KMT2D: variants seen among roughly 807,000 people sequenced by gnomAD.
KMT2D encodes histone-lysine N-methyltransferase 2D.
In KMT2D, 55 loss-of-function variants were observed where a neutral mutation model predicts 512.7. The ratio of observed to expected loss-of-function variants is 0.11; its 90% CI spans 0.09 to 0.13. The LOEUF (loss-of-function observed/expected upper bound fraction) is 0.13, where lower values mean the gene tolerates loss of function less well. Among genes scored for constraint, KMT2D ranks in the 10% least tolerant of loss-of-function variants. KMT2D has a pLI of 1.00. For missense variants in KMT2D, 6,061 were observed against 7,127.9 expected (o/e 0.85, Z 5.39); for synonymous variants, 2,995 against 2,904.0 (o/e 1.03, Z -1.01).
At chr12:49,045,806 T>C in intron 19 of KMT2D, 114 bp downstream of exon 19, 1 of 950,460 alleles carries the variant, frequency 1.1e-6, no homozygotes, top group Non-Finnish European at 1.7e-6. Flanking sequence ...TTAACTTCTC[T>C]GGGTCTGAGT....
At chr12:49,034,020 C>G (rs757794661) in intron 39 of KMT2D, 47 bp downstream of exon 39, 29 of 1,579,480 alleles carry the variant, frequency 1.8e-5, no homozygotes, top group Non-Finnish European at 2.4e-5. Context: ...CATGCCAACC[C>G]TCTTCCCTGC....
intron 1 of KMT2D, among the ~76,000 whole-genome samples, chr12:49,059,313 T>C (rs1165922349): frequency 6.6e-6 from 1 of 152,050 alleles, no homozygotes; most frequent in Admixed American, 6.5e-5. Context: ...GCCCGGGTCC[T>C]AGTTTAGTCG....
rs1430038846 is a variant in KMT2D, at chr12:49,046,037, C to T, written c.4693+28G>A. ...AAGCAAGGTACCCCTGCTCTGACTC[C>T]TCCCCCTACCCAGCAGCTGGTACTC... is the stretch of plus-strand genomic sequence containing the variant. On this transcript the variant is annotated intron_variant, in intron 18 of 54. Coordinates refer to ENST00000301067, the MANE Select transcript of KMT2D (RefSeq NM_003482.4). This position sits in a 1 kb window ranked among gnomAD's most constrained non-coding sequence, Gnocchi z 4.2. 1 of 1,611,502 alleles carries T rather than the reference C, an allele frequency of 6.2e-7. No individual in the cohort carries two copies. The highest frequency in any genetic ancestry group is 1.1e-5 in the South Asian group (1 of 90,810).
At position 49,041,028 on chromosome 12, in the gene KMT2D, G is replaced by A. The variant is rs371402071; in HGVS notation, c.6742C>T (p.Arg2248Cys). ...GCCAAGTTATCCAGCGAGGGGCAGCGGGGTTTGAGGAATGGGTCAGGTGTG... is the reference window on the plus strand; with the variant it reads ...GCCAAGTTATCCAGCGAGGGGCAGCAGGGTTTGAGGAATGGGTCAGGTGTG... ...PSTPDPFLKP[R>C]CPSLDNLAVP... The change falls in exon 32 of 55, where the codon CGC becomes TGC. Residue 2248 changes from arginine (R) to cysteine (C), a missense_variant. Physicochemically the swap from Arg to Cys is radical, Grantham distance 180 (BLOSUM62 -3). Around this residue, in one of 16 missense-constraint regions of KMT2D, gnomAD observed 710 missense variants for 647.3 expected, o/e 1.10. Coordinates refer to ENST00000301067, the MANE Select transcript of KMT2D (RefSeq NM_003482.4). The surrounding 1 kb of genome is among the most constrained non-coding windows in gnomAD (Gnocchi z 5.4). 20 of 1,571,630 alleles carry A rather than the reference G, an allele frequency of 1.3e-5. No homozygotes were observed. Among genetic ancestry groups the A allele is most frequent in the Admixed American group, 3.6e-5 (2 of 54,982 alleles).
In KMT2D at chr12:49,046,459, A is replaced by G. The variant is rs370290095; in HGVS notation, c.4419-35T>C. The G allele has an allele frequency of 6.2e-6, 10 of 1,606,986 alleles. No homozygotes were observed. The African/African-American group carries it at 1.1e-4, about 17-fold the overall frequency. ...GCAGGAAAACAGAGCTTTAGCACCC[A>G]ACCTACCCGAAGTACCCAGAAGTCC... On this transcript the variant is annotated intron_variant, in intron 16 of 54. Coordinates refer to ENST00000301067, the MANE Select transcript of KMT2D (RefSeq NM_003482.4). This position sits in a 1 kb window ranked among gnomAD's most constrained non-coding sequence, Gnocchi z 4.2.
chr12:49,031,341 C>T lies in KMT2D; in HGVS notation c.13364G>A (p.Arg4455His), dbSNP rs372839823. ...TSNHLLLAGPRSEAGHLLLQK... is the reference protein window; with the variant it reads ...TSNHLLLAGPHSEAGHLLLQK... ...CAAGAGCAGATGCCCAGCTTCTGAG[C>T]GAGGGCCTGCCAGCAGGAGGTGGTT... The change falls in exon 40 of 55, where the codon CGC becomes CAC. Residue 4455 changes from arginine to histidine, a missense_variant. By Grantham distance (29) the Arg-to-His change is conservative. Coordinates refer to ENST00000301067, the MANE Select transcript of KMT2D (RefSeq NM_003482.4). The T allele has an allele frequency of 3.2e-5, 51 of 1,613,520 alleles. 2 individuals carry two copies. The highest frequency in any genetic ancestry group is 2.6e-4 in the South Asian group (24 of 91,088).
At chr12:49,058,315 A>C (rs1027358112) in intron 1 of KMT2D, among the ~76,000 whole-genome samples, 2 of 152,208 alleles carry the variant, frequency 1.3e-5, no homozygotes, top group Non-Finnish European at 2.9e-5. Flanking sequence ...AGTGGAGAGC[A>C]GGATTGACAG....
intron 19 of KMT2D, among the ~76,000 whole-genome samples, chr12:49,045,367 G>C (rs1031997592): frequency 2.0e-5 from 3 of 152,178 alleles, no homozygotes; most frequent in African/African-American, 7.2e-5. Flanking sequence ...GTTCTCAGCC[G>C]GGCGCGGTGC....
chr12:49,049,076 G>A, intron 13 of KMT2D, 29 bp downstream of exon 13: 8 of 1,386,816 alleles, frequency 5.8e-6, no homozygotes, highest in Non-Finnish European at 8.2e-6. Flanking sequence ...ATGGTTGGGG[G>A]ATGGGAGGAA....
Position 49,038,111 on chromosome 12 carries a change from C to T in KMT2D, c.9245G>A (p.Arg3082Gln), listed in dbSNP as rs1467406954. 5 of 1,613,822 alleles carry T rather than the reference C, an allele frequency of 3.1e-6. No homozygotes were observed. The highest frequency in any genetic ancestry group is 1.3e-5 in the African/African-American group (1 of 74,918). ...LVESANEKAE[R>Q]EALLRGVEPG... is the part of the protein sequence containing the mutation. ...CTCCACCCCCCGCAGCAGGGCCTCC[C>T]GTTCAGCCTTCTCATTAGCCGATTC... is the stretch of plus-strand genomic sequence containing the variant. Residue 3082 changes from arginine to glutamine, a missense_variant, in exon 35 of 55, where the codon CGG becomes CAG. Physicochemically the swap from Arg to Gln is conservative, Grantham distance 43. This residue lies in a region of KMT2D where 533 missense variants were observed against 539.6 expected (regional missense o/e 0.99). Transcript: ENST00000301067. This position sits in a 1 kb window ranked among gnomAD's most constrained non-coding sequence, Gnocchi z 5.7.
In KMT2D at chr12:49,027,000, C is replaced by T. The variant is rs766918626; in HGVS notation, c.14966G>A (p.Arg4989Gln). The change falls in exon 49 of 55, where the codon CGG becomes CAG. Residue 4989 changes from arginine to glutamine, a missense_variant. By Grantham distance (43) the Arg-to-Gln change is conservative. Around this residue, in one of 16 missense-constraint regions of KMT2D, gnomAD observed 1,600 missense variants for 1,754.9 expected, o/e 0.91. Transcript: ENST00000301067. This position sits in a 1 kb window ranked among gnomAD's most constrained non-coding sequence, Gnocchi z 9.6. ...LKKWKGVRWKRLRLLLTIQKG... is the reference protein window; with the variant it reads ...LKKWKGVRWKQLRLLLTIQKG... The stretch of plus-strand genomic sequence containing the variant: ...CTGGATGGTCAGCAGCAGCCGAAGC[C>T]GCTTCCAGCGCACTCCTTTCCATTT... The T allele has an allele frequency of 1.1e-5, 17 of 1,613,918 alleles. No homozygotes were observed. The highest frequency in any genetic ancestry group is 1.6e-4 in the Middle Eastern group (1 of 6,084).
chr12:49,044,180 G>C lies in KMT2D; in HGVS notation c.5188+20C>G, dbSNP rs779189724. ...GCCCCACCTTCTCCCAGGCCCCACTGGTGCCCTCACCCGTCTCACCCTCGT... is the reference window on the plus strand; with the variant it reads ...GCCCCACCTTCTCCCAGGCCCCACTCGTGCCCTCACCCGTCTCACCCTCGT... On this transcript the variant is annotated intron_variant, in intron 22 of 54. Transcript: ENST00000301067. This position sits in a 1 kb window ranked among gnomAD's most constrained non-coding sequence, Gnocchi z 6.4. The C allele has an allele frequency of 1.4e-5, 22 of 1,608,330 alleles. No individual in the cohort carries two copies. In the South Asian group the frequency reaches 2.4e-4, roughly 18 times the overall value.
chr12:49,026,897 G>A lies in KMT2D; in HGVS notation c.15069C>T (p.Asp5023=), dbSNP rs766935060. The A allele has an allele frequency of 3.1e-6, 5 of 1,613,910 alleles. No homozygotes were observed. In the South Asian group the frequency reaches 5.5e-5, roughly 18 times the overall value. Reference sequence around the variant, plus strand: ...AGCGACGCATGTCTCGCGGTACCTTGTCAGGTCGCAAGGCTGTGCCAAGCT... The same window carrying A: ...AGCGACGCATGTCTCGCGGTACCTTATCAGGTCGCAAGGCTGTGCCAAGCT... ...MEQLGTALRP[D]KVPRDMRRCC... is the part of the protein sequence containing the mutation. The change falls in exon 49 of 55, where the codon GAC becomes GAT. Residue 5023 remains aspartate (D), a synonymous_variant. Coordinates refer to ENST00000301067, the MANE Select transcript of KMT2D (RefSeq NM_003482.4). The surrounding 1 kb of genome is among the most constrained non-coding windows in gnomAD (Gnocchi z 9.6).
chr12:49,022,762 C>T lies in KMT2D; in HGVS notation c.16166G>A (p.Arg5389Gln), dbSNP rs1269244215. 1.2e-6 allele frequency: 2 copies of T among 1,613,996 alleles called. No homozygotes were observed. Among genetic ancestry groups the T allele is most frequent in the Admixed American group, 1.7e-5 (1 of 60,020 alleles). ...QFVHSKSSQYRRLRTEWKNNV... is the reference protein window; with the variant it reads ...QFVHSKSSQYQRLRTEWKNNV... ...GTTCTTCCATTCGGTGCGCAGCCGC[C>T]GGTACTGAGATGACTTGGAGTGCAC... is the stretch of plus-strand genomic sequence containing the variant. Residue 5389 changes from arginine to glutamine, a missense_variant, in exon 52 of 55, where the codon CGG becomes CAG. Physicochemically the swap from Arg to Gln is conservative, Grantham distance 43. This residue lies in a region of KMT2D where 261 missense variants were observed against 440.7 expected (regional missense o/e 0.59). Coordinates refer to ENST00000301067, the MANE Select transcript of KMT2D (RefSeq NM_003482.4). The surrounding 1 kb of genome is among the most constrained non-coding windows in gnomAD (Gnocchi z 8.6).
At chr12:49,052,888 C>G (rs1938164270) in intron 9 of KMT2D, 27 bp downstream of exon 9, 1 of 1,611,490 alleles carries the variant, frequency 6.2e-7, no homozygotes, top group Admixed American at 1.7e-5. Context: ...CCTGCCAGCC[C>G]AATCTCAGTC....
Position 49,032,376 on chromosome 12 carries a change from G to C in KMT2D, c.12329C>G (p.Thr4110Arg), listed in dbSNP as rs764450813. 6.2e-7 allele frequency: 1 copy of C among 1,610,954 alleles called. No individual in the cohort carries two copies. Residue 4110 changes from threonine (T) to arginine (R), a missense_variant, in exon 40 of 55, where the codon ACA (threonine) becomes AGA (arginine). This residue lies in a region of KMT2D where 1,600 missense variants were observed against 1,754.9 expected (regional missense o/e 0.91). Coordinates refer to ENST00000301067, the MANE Select transcript of KMT2D (RefSeq NM_003482.4). ...CTGCCCATGGCTTCCTCCACCTGCT[G>C]TGTGGAGCAGGCTAACTTGCTGCTG... is the stretch of plus-strand genomic sequence containing the variant. ...QQQQQVSLLH[T>R]AGGGSHGQLG...
At position 49,026,989 on chromosome 12, in the gene KMT2D, G is replaced by A. The variant is rs2120365708; in HGVS notation, c.14977C>T (p.Leu4993=). ...KGVRWKRLRL[L]LTIQKGSGRQ... ...CCACTGCCCTTCTGGATGGTCAGCAGCAGCCGAAGCCGCTTCCAGCGCACT... is the reference window on the plus strand; with the variant it reads ...CCACTGCCCTTCTGGATGGTCAGCAACAGCCGAAGCCGCTTCCAGCGCACT... Residue 4993 remains leucine, a synonymous_variant, in exon 49 of 55, where the codon CTG becomes TTG. Transcript: ENST00000301067. This position sits in a 1 kb window ranked among gnomAD's most constrained non-coding sequence, Gnocchi z 9.6. 1 of 1,614,044 alleles carries A rather than the reference G, an allele frequency of 6.2e-7. No homozygotes were observed. Among genetic ancestry groups the A allele is most frequent in the Admixed American group, 1.7e-5 (1 of 60,034 alleles).
Position 49,053,482 on chromosome 12 carries a change from G to T in KMT2D, c.833C>A (p.Ala278Asp), listed in dbSNP as rs2120696447. ...CCTGCCCTTCCATTCCTACCTGCAG[G>T]CTTGGCACACTTTGCATTCAGGGCA... Reference protein sequence around the residue: ...WQCPECKVCQACRKPGNDSKM... With the variant: ...WQCPECKVCQDCRKPGNDSKM... Residue 278 changes from alanine to aspartate, a missense_variant, in exon 7 of 55, where the codon GCC becomes GAC. By Grantham distance (126) the Ala-to-Asp change is moderately radical. Around this residue, in one of 16 missense-constraint regions of KMT2D, gnomAD observed 160 missense variants for 225.8 expected, o/e 0.71. Coordinates refer to ENST00000301067, the MANE Select transcript of KMT2D (RefSeq NM_003482.4). 1 of 1,611,066 alleles carries T rather than the reference G, an allele frequency of 6.2e-7. No individual in the cohort carries two copies. Among genetic ancestry groups the T allele is most frequent in the Non-Finnish European group, 8.5e-7 (1 of 1,178,518 alleles).
rs747517142 is a variant in KMT2D at position 49,041,547 on chromosome 12, G to C, written c.6235-12C>G. On this transcript the variant is annotated splice_polypyrimidine_tract_variant and intron_variant, in intron 31 of 54. Transcript: ENST00000301067. The surrounding 1 kb of genome is among the most constrained non-coding windows in gnomAD (Gnocchi z 5.4). Reference sequence around the variant, plus strand: ...TGGCTCTCAGCCTGCTACAGGGGGAGACCAGGCATAGGGCAGTCAGGCTGC... The same window carrying C: ...TGGCTCTCAGCCTGCTACAGGGGGACACCAGGCATAGGGCAGTCAGGCTGC... 1 of 1,613,222 alleles carries C rather than the reference G, an allele frequency of 6.2e-7. No individual in the cohort carries two copies. The highest frequency in any genetic ancestry group is 8.5e-7 in the Non-Finnish European group (1 of 1,179,504).
Sources: allele counts gnomAD v4.1 joint callset (sites outside exome capture counted in the v4.1 genomes callset), GRCh38; gene constraint gnomAD v4.1.1; regional missense constraint gnomAD v4.1.1; non-coding constraint Gnocchi (gnomAD v3.1); transcripts MANE v1.5; gene names NCBI Gene and HGNC (gene_info 2026-07-23, HGNC 2026-07-21).